Variants in TNIK observed in about 807,000 individuals in gnomAD.
TNIK encodes TRAF2 and NCK interacting kinase.
Under a neutral mutation model 191.3 loss-of-function variants are expected in TNIK, and 49 were observed. The observed-to-expected ratio is 0.26, with a 90% CI of 0.20 to 0.32. The LOEUF (loss-of-function observed/expected upper bound fraction) is 0.32, where lower values mean the gene tolerates loss of function less well. Among genes scored for constraint, TNIK ranks in the 10% least tolerant of loss-of-function variants. The probability of loss-of-function intolerance (pLI) is 1.00; values close to 1 mark genes in which losing one functional copy is unlikely to be tolerated. For synonymous variants in TNIK, 594 were observed against 600.9 expected, an observed-to-expected ratio of 0.99 and a Z score of 0.17; for missense variants, 1,155 against 1,702.3, an observed-to-expected ratio of 0.68 and a Z score of 5.66.
At position 171,355,008 on chromosome 3, in the gene TNIK, C is replaced by G. The variant is rs79642069; in HGVS notation, c.123+14612G>C. ...TTGTCTTTTCTGTCTTGTATTTTCC[C>G]CCATCCCCTGTGAACACTGGATTCT... On this transcript the variant is annotated intron_variant, in intron 2 of 32. Coordinates refer to ENST00000436636, the MANE Select transcript of TNIK (RefSeq NM_015028.4). Among the ~76,000 whole-genome samples, 486 of 152,188 alleles carry G rather than the reference C, an allele frequency of 3.2e-3. 3 individuals carry two copies. The highest frequency in any genetic ancestry group is 0.01 in the African/African-American group (424 of 41,524).
intron 2 of TNIK, among the ~76,000 whole-genome samples, chr3:171,277,490 C>T (rs952329956): frequency 1.2e-4 from 18 of 151,868 alleles, no homozygotes; most frequent in African/African-American, 3.9e-4. Flanking sequence ...AGGCCTAACA[C>T]TATTTTGATT....
chr3:171,081,623 A>G (rs1301581495), intron 27 of TNIK, among the ~76,000 whole-genome samples: 1 of 150,672 alleles, frequency 6.6e-6, no homozygotes, highest in African/African-American at 2.5e-5. Flanking sequence ...AAAGAAAAAA[A>G]ACTTTCAACA....
chr3:171,173,113 G>A (rs541821766), intron 9 of TNIK, among the ~76,000 whole-genome samples: 33 of 151,896 alleles, frequency 2.2e-4, no homozygotes, highest in African/African-American at 7.2e-4. Context: ...GGCCAGGCGC[G>A]GTGGCTCACG....
At chr3:171,380,778 G>A (rs1396862201) in intron 1 of TNIK, among the ~76,000 whole-genome samples, 2 of 152,256 alleles carry the variant, frequency 1.3e-5, no homozygotes, top group African/African-American at 2.4e-5. Context: ...ATGCCTTTCG[G>A]CCAAGGGCCC....
intron 2 of TNIK, among the ~76,000 whole-genome samples, chr3:171,343,288 T>A (rs748515992): frequency 8.0e-4 from 122 of 152,308 alleles, no homozygotes; most frequent in Admixed American, 1.4e-3. Context: ...AGTATGTTAC[T>A]TCAATATGAT....
At chr3:171,412,327 G>C (rs1294435430) in intron 1 of TNIK, among the ~76,000 whole-genome samples, 53 of 151,860 alleles carry the variant, frequency 3.5e-4, no homozygotes, top group Non-Finnish European at 2.9e-5. Context: ...AAAACCCCAG[G>C]GAAAAAATAG....
chr3:171,452,653 G>A (rs747042671), intron 1 of TNIK, among the ~76,000 whole-genome samples: 6 of 151,064 alleles, frequency 4.0e-5, no homozygotes, highest in Non-Finnish European at 7.4e-5. Context: ...ACCCTTTCCC[G>A]CCCATCTATT....
At chr3:171,352,317 AC>A (rs1334622763) in intron 2 of TNIK, among the ~76,000 whole-genome samples, 1 of 152,090 alleles carries the variant, frequency 6.6e-6, no homozygotes, top group African/African-American at 2.4e-5. Context: ...AAATCTATTC[AC>A]CTTTTAAGCC....
intron 1 of TNIK, among the ~76,000 whole-genome samples, chr3:171,394,922 G>C (rs1020169092): frequency 1.1e-4 from 17 of 152,228 alleles, no homozygotes; most frequent in Non-Finnish European, 2.4e-4. Flanking sequence ...TGTGTTGCAG[G>C]GGGAGGAGAG....
chr3:171,362,887 T>C (rs1715177424), intron 2 of TNIK, among the ~76,000 whole-genome samples: 1 of 152,160 alleles, frequency 6.6e-6, no homozygotes, highest in Non-Finnish European at 1.5e-5. Context: ...ACAGTGGAAA[T>C]GCCAAAGCCT....
At chr3:171,442,479 C>T (rs1466355155) in intron 1 of TNIK, among the ~76,000 whole-genome samples, 2 of 152,176 alleles carry the variant, frequency 1.3e-5, no homozygotes, top group Non-Finnish European at 2.9e-5. Context: ...GCCTTCAAAC[C>T]CCTTCAACAG....
At chr3:171,360,394 A>T (rs770602962) in intron 2 of TNIK, among the ~76,000 whole-genome samples, 1 of 152,244 alleles carries the variant, frequency 6.6e-6, no homozygotes, top group Non-Finnish European at 1.5e-5. Context: ...GGAAAAGCAC[A>T]GGCTGTAAGT....
chr3:171,104,192 T>G (rs1724238605), intron 21 of TNIK, among the ~76,000 whole-genome samples: 1 of 152,130 alleles, frequency 6.6e-6, no homozygotes, highest in Non-Finnish European at 1.5e-5. Flanking sequence ...TAATCTTCCA[T>G]TGCTAAGAAC....
At chr3:171,192,005 T>C (rs528700082) in intron 5 of TNIK, among the ~76,000 whole-genome samples, 1 of 152,290 alleles carries the variant, frequency 6.6e-6, no homozygotes, top group South Asian at 2.1e-4. Context: ...AACAAAATCA[T>C]GGTATGAAAA....
At chr3:171,438,513 T>G (rs893966404) in intron 1 of TNIK, among the ~76,000 whole-genome samples, 1 of 152,186 alleles carries the variant, frequency 6.6e-6, no homozygotes, top group Non-Finnish European at 1.5e-5. Flanking sequence ...CACTGCAGAA[T>G]GCAAATGTAA....
chr3:171,160,374 C>T (rs1577001811), intron 11 of TNIK, among the ~76,000 whole-genome samples: 1 of 151,992 alleles, frequency 6.6e-6, no homozygotes, highest in East Asian at 1.9e-4. Flanking sequence ...CTAAGCTGGC[C>T]CCTTTTCTGG....
chr3:171,433,070 G>C (rs1427581675), intron 1 of TNIK, among the ~76,000 whole-genome samples: 1 of 152,028 alleles, frequency 6.6e-6, no homozygotes, highest in East Asian at 1.9e-4. Context: ...AATTTAACTT[G>C]ACTCTTTTTT....
intron 2 of TNIK, among the ~76,000 whole-genome samples, chr3:171,299,207 C>T (rs1034077372): frequency 2.6e-4 from 40 of 152,148 alleles, no homozygotes; most frequent in African/African-American, 8.0e-4. Flanking sequence ...AGGGCACAGC[C>T]GCAGGCTTCT....
At chr3:171,265,850 AT>A (rs11420962) in intron 2 of TNIK, among the ~76,000 whole-genome samples, 7 of 151,702 alleles carry the variant, frequency 4.6e-5, no homozygotes, top group East Asian at 3.9e-4. Context: ...AATAAGCATT[AT>A]TTTTTTTTCC....
Sources: gnomAD v4.1 joint callset for allele counts (sites outside exome capture counted in the v4.1 genomes callset) on GRCh38, gnomAD v4.1.1 for gene constraint, MANE v1.5 for transcripts, NCBI Gene and HGNC (gene_info 2026-07-23, HGNC 2026-07-21) for gene names.